MSRB3: variants seen among roughly 807,000 people sequenced by gnomAD.
The protein encoded by MSRB3 is methionine-R-sulfoxide reductase B3.
A neutral mutation model predicts 21.0 loss-of-function variants in MSRB3; 13 were observed. The ratio of observed to expected loss-of-function variants is 0.62; its 90% confidence interval spans 0.40 to 0.98. MSRB3 has a LOEUF of 0.98. Ranked by LOEUF, MSRB3 falls within the 50% of genes least tolerant of loss-of-function variation. The probability of loss-of-function intolerance (pLI) is 0.00; values close to 1 mark genes in which losing one functional copy is unlikely to be tolerated. For missense variants in MSRB3, 199 were observed against 230.3 expected (o/e 0.86, Z 0.88); for synonymous variants, 87 against 88.6 (o/e 0.98, Z 0.10).
rs769028726 is a variant in MSRB3 at position 65,278,797 on chromosome 12, CCCTCTCGCTCTG to C, written c.-113_-102del. 1.3e-6 allele frequency: 2 copies of C among 1,571,724 alleles called. No individual in the cohort carries two copies. The highest frequency in any genetic ancestry group is 2.3e-5 in the South Asian group (2 of 85,588). ...AGCCCGCGGCGGACCCTCCCGCGCC[CCCTCTCGCTCTG>C]CCTCTCCCTCTGCCTCTGCCTCTGC... On this transcript the variant is annotated 5_prime_UTR_variant, in exon 1 of 7. Coordinates refer to ENST00000308259, the MANE Select transcript of MSRB3 (RefSeq NM_001031679.3).
chr12:65,361,439 A>G (rs961709570), intron 4 of MSRB3, among the ~76,000 whole-genome samples: 1 of 152,056 alleles, frequency 6.6e-6, no homozygotes, highest in African/African-American at 2.4e-5. Flanking sequence ...AAATAGACCT[A>G]TTTGCTTACG....
At chr12:65,342,189 C>T (rs1224035254) in intron 4 of MSRB3, among the ~76,000 whole-genome samples, 1 of 149,964 alleles carries the variant, frequency 6.7e-6, no homozygotes, top group Non-Finnish European at 1.5e-5. Context: ...TCAAAAACAC[C>T]ATAGAGTATA....
At chr12:65,298,442 A>C (rs1873115281) in intron 1 of MSRB3, among the ~76,000 whole-genome samples, 1 of 152,318 alleles carries the variant, frequency 6.6e-6, no homozygotes, top group Middle Eastern at 3.4e-3. Context: ...AACATCTTTT[A>C]ATCACCTAAA....
intron 5 of MSRB3, among the ~76,000 whole-genome samples, chr12:65,397,892 A>G (rs1246857138): frequency 6.6e-6 from 1 of 152,128 alleles, no homozygotes; most frequent in East Asian, 1.9e-4. Flanking sequence ...GTTTGCTGAG[A>G]ATGATGGTTT....
At chr12:65,458,032 T>C (rs1883168035) in intron 6 of MSRB3, among the ~76,000 whole-genome samples, 1 of 152,224 alleles carries the variant, frequency 6.6e-6, no homozygotes, top group Non-Finnish European at 1.5e-5. Context: ...TTTTAGTGTG[T>C]TGTAGACATT....
At chr12:65,412,643 C>A (rs1880776718) in intron 5 of MSRB3, among the ~76,000 whole-genome samples, 1 of 152,080 alleles carries the variant, frequency 6.6e-6, no homozygotes, top group Admixed American at 6.5e-5. Context: ...ATTACTTTAG[C>A]ACCAACCTAG....
intron 5 of MSRB3, among the ~76,000 whole-genome samples, chr12:65,426,690 C>G (rs7314906): frequency 0.38 from 58,176 of 151,910 alleles, 11,614 homozygotes; most frequent in South Asian, 0.57. Context: ...AATATTTGCT[C>G]TTCTGATGCT....
chr12:65,305,024 G>A (rs564472950), intron 1 of MSRB3: 2 of 152,014 alleles, frequency 1.3e-5, no homozygotes, highest in African/African-American at 4.8e-5. Context: ...ATCTGAGAAT[G>A]TCAAGGGAGA....
chr12:65,407,151 C>A (rs1026725244), intron 5 of MSRB3, among the ~76,000 whole-genome samples: 1 of 152,158 alleles, frequency 6.6e-6, no homozygotes, highest in African/African-American at 2.4e-5. Flanking sequence ...AGAACTAAAT[C>A]TATGCATTTA....
At chr12:65,397,117 C>T (rs951421805) in intron 5 of MSRB3, among the ~76,000 whole-genome samples, 19 of 152,052 alleles carry the variant, frequency 1.2e-4, no homozygotes, top group African/African-American at 4.6e-4. Flanking sequence ...GTATAGTTCC[C>T]CTCTTATCCC....
intron 5 of MSRB3, among the ~76,000 whole-genome samples, chr12:65,396,290 C>T (rs1879774827): frequency 6.6e-6 from 1 of 152,164 alleles, no homozygotes; most frequent in African/African-American, 2.4e-5. Flanking sequence ...GTTTAATCTC[C>T]AAGCATTTTC....
chr12:65,354,014 G>A (rs1358210513), intron 4 of MSRB3, among the ~76,000 whole-genome samples: 2 of 151,912 alleles, frequency 1.3e-5, no homozygotes, highest in Admixed American at 6.6e-5. Flanking sequence ...TGAAATTCTG[G>A]GTTGAAAATT....
chr12:65,362,153 G>A (rs1877746426), intron 4 of MSRB3, among the ~76,000 whole-genome samples: 1 of 152,146 alleles, frequency 6.6e-6, no homozygotes, highest in Admixed American at 6.5e-5. Flanking sequence ...GAATAGAAAT[G>A]ATATCAGAGT....
intron 1 of MSRB3, among the ~76,000 whole-genome samples, chr12:65,280,063 A>G (rs1871920047): frequency 6.6e-6 from 1 of 152,114 alleles, no homozygotes; most frequent in Non-Finnish European, 1.5e-5. Context: ...ATCTCTTCAT[A>G]TTTTCATTTG....
rs143021487 is a variant in MSRB3 at position 65,380,393 on chromosome 12, T to C, written c.292+11367T>C. On this transcript the variant is annotated intron_variant, in intron 5 of 6. Transcript: ENST00000308259. The stretch of plus-strand genomic sequence containing the variant: ...GGAGTTCGAAACAGCCTGGCCAACA[T>C]GGTGAAAACCCATCTCTACTAAAAA... Among the ~76,000 whole-genome samples, 1,387 of 152,166 alleles carry C rather than the reference T, an allele frequency of 9.1e-3. 18 individuals are homozygous for C. Among genetic ancestry groups the C allele is most frequent in the Middle Eastern group, 0.02 (6 of 294 alleles).
chr12:65,318,987 C>A (rs1874490488), intron 2 of MSRB3, among the ~76,000 whole-genome samples: 1 of 152,052 alleles, frequency 6.6e-6, no homozygotes, highest in African/African-American at 2.4e-5. Flanking sequence ...AATGTTTCAT[C>A]AGGATGAATG....
In MSRB3 at chr12:65,427,208, T is replaced by C. The variant is rs570644302; in HGVS notation, c.293-26520T>C. On this transcript the variant is annotated intron_variant, in intron 5 of 6. Transcript: ENST00000308259. ...TTTGCTGTGGAAAGTCCTTCTTTTA[T>C]TGGGGGCTTCCAGGGAACTTGCTGG... is the stretch of plus-strand genomic sequence containing the variant. 3.9e-5 allele frequency among the ~76,000 whole-genome samples: 6 copies of C among 152,292 alleles called. No homozygotes were observed. The South Asian group carries it at 1.2e-3, about 32-fold the overall frequency.
At chr12:65,322,405 T>C (rs1331540699) in intron 2 of MSRB3, among the ~76,000 whole-genome samples, 2 of 152,088 alleles carry the variant, frequency 1.3e-5, no homozygotes, top group African/African-American at 2.4e-5. Context: ...ACACCTGTAA[T>C]CCCAGCACTT....
intron 5 of MSRB3, among the ~76,000 whole-genome samples, chr12:65,437,425 A>G (rs529419626): frequency 6.6e-6 from 1 of 151,992 alleles, no homozygotes; most frequent in African/African-American, 2.4e-5. Flanking sequence ...TCTCAGCAAG[A>G]TCTGGTAGTT....
Sources: gnomAD v4.1 joint callset for allele counts (sites outside exome capture counted in the v4.1 genomes callset) on GRCh38, gnomAD v4.1.1 for gene constraint, MANE v1.5 for transcripts, NCBI Gene and HGNC (gene_info 2026-07-23, HGNC 2026-07-21) for gene names.